The following CLSTN2 variants were observed in gnomAD, a reference collection of about 807,000 sequenced individuals.
CLSTN2 encodes the protein calsyntenin-2.
Under a neutral mutation model 101.2 loss-of-function variants are expected in CLSTN2, and 48 were observed. The observed-to-expected ratio is 0.47, with a 90% CI of 0.38 to 0.60. CLSTN2 has a LOEUF of 0.60. Among genes scored for constraint, CLSTN2 ranks in the 20% least tolerant of loss-of-function variants. The pLI is 0.00. For missense variants in CLSTN2, 1,160 were observed against 1,238.2 expected (o/e 0.94, Z 0.95); for synonymous variants, 481 against 463.6 (o/e 1.04, Z -0.48).
intron 1 of CLSTN2, among the ~76,000 whole-genome samples, chr3:140,029,075 A>G (rs778624537): frequency 5.9e-5 from 9 of 152,196 alleles, no homozygotes; most frequent in Non-Finnish European, 1.3e-4. Flanking sequence ...TTGCACGATG[A>G]GTTTGGTGGG....
intron 1 of CLSTN2, among the ~76,000 whole-genome samples, chr3:140,108,948 C>T (rs973064144): frequency 3.9e-5 from 6 of 152,108 alleles, no homozygotes; most frequent in African/African-American, 1.4e-4. Context: ...ACCCTATGAA[C>T]TGGGTATTAT....
At chr3:140,539,098 C>G (rs1363605281) in intron 9 of CLSTN2, among the ~76,000 whole-genome samples, 2 of 152,180 alleles carry the variant, frequency 1.3e-5, no homozygotes, top group Non-Finnish European at 2.9e-5. Flanking sequence ...AGATCCTCTC[C>G]TCTGCCTTCC....
At chr3:140,293,930 A>G (rs1394575263) in intron 2 of CLSTN2, among the ~76,000 whole-genome samples, 2 of 152,188 alleles carry the variant, frequency 1.3e-5, no homozygotes, top group Non-Finnish European at 2.9e-5. Flanking sequence ...AGTTTTCAGC[A>G]TCAAAGACTG....
chr3:140,071,208 A>T (rs2008386544), intron 1 of CLSTN2, among the ~76,000 whole-genome samples: 1 of 152,212 alleles, frequency 6.6e-6, no homozygotes, highest in Admixed American at 6.5e-5. Context: ...TTCAATAATA[A>T]ACTATGTTGA....
intron 2 of CLSTN2, among the ~76,000 whole-genome samples, chr3:140,326,231 C>T (rs927679461): frequency 6.6e-6 from 1 of 152,156 alleles, no homozygotes; most frequent in Non-Finnish European, 1.5e-5. Flanking sequence ...TACTTTCCTG[C>T]CAGGGGATAA....
chr3:140,316,374 A>G (rs1215312549), intron 2 of CLSTN2, among the ~76,000 whole-genome samples: 1 of 152,166 alleles, frequency 6.6e-6, no homozygotes, highest in African/African-American at 2.4e-5. Context: ...ATCTCATAGA[A>G]TCGTGATCAA....
chr3:140,549,535 A>G (rs1337488148), intron 10 of CLSTN2, among the ~76,000 whole-genome samples: 5 of 150,708 alleles, frequency 3.3e-5, no homozygotes, highest in Admixed American at 6.6e-5. Flanking sequence ...ACTGGGGGCT[A>G]TTGTATGTTC....
chr3:140,479,930 G>C (rs1934076609), intron 8 of CLSTN2, among the ~76,000 whole-genome samples: 1 of 151,962 alleles, frequency 6.6e-6, no homozygotes, highest in Admixed American at 6.6e-5. Flanking sequence ...ACCTGTTGAT[G>C]ACCGAAAATA....
chr3:140,158,883 C>T (rs1006901111), intron 1 of CLSTN2, among the ~76,000 whole-genome samples: 5 of 152,136 alleles, frequency 3.3e-5, no homozygotes, highest in African/African-American at 1.2e-4. Flanking sequence ...CGCACAGGTA[C>T]AGCCATCTGA....
At chr3:140,374,813 T>C (rs180988644) in intron 2 of CLSTN2, among the ~76,000 whole-genome samples, 3 of 152,308 alleles carry the variant, frequency 2.0e-5, no homozygotes, top group Admixed American at 6.5e-5. Flanking sequence ...AAATAATATA[T>C]ATCTCAATTT....
chr3:140,428,964 G>T (rs2088600875), intron 5 of CLSTN2, among the ~76,000 whole-genome samples: 1 of 152,130 alleles, frequency 6.6e-6, no homozygotes, highest in African/African-American at 2.4e-5. Context: ...TAACAAGTCT[G>T]GGGTAGGTCT....
intron 1 of CLSTN2, among the ~76,000 whole-genome samples, chr3:140,022,035 GA>G (rs113855083): frequency 3.3e-5 from 5 of 151,958 alleles, no homozygotes; most frequent in African/African-American, 1.2e-4. Context: ...CTGTTTTGAT[GA>G]AAAAAAATGG....
At chr3:139,959,151 T>C (rs2007640) in intron 1 of CLSTN2, among the ~76,000 whole-genome samples, 76,927 of 151,912 alleles carry the variant, frequency 0.51, 22,179 homozygotes, top group East Asian at 0.67. Flanking sequence ...ACGTCTTCTG[T>C]CTCTGCTGAG....
intron 11 of CLSTN2, among the ~76,000 whole-genome samples, chr3:140,558,407 T>G (rs1935842222): frequency 6.6e-6 from 1 of 152,234 alleles, no homozygotes; most frequent in Admixed American, 6.5e-5. Flanking sequence ...TACGTGTTGC[T>G]CATATAGAAA....
At chr3:139,941,227 C>T (rs558701296) in intron 1 of CLSTN2, among the ~76,000 whole-genome samples, 1 of 152,158 alleles carries the variant, frequency 6.6e-6, no homozygotes, top group African/African-American at 2.4e-5. Context: ...GAGGCCTGAG[C>T]TGGGGAAGAG....
At chr3:140,013,594 C>T (rs909934653) in intron 1 of CLSTN2, among the ~76,000 whole-genome samples, 4 of 152,126 alleles carry the variant, frequency 2.6e-5, no homozygotes, top group African/African-American at 9.7e-5. Flanking sequence ...TATGAACACA[C>T]AATGCTACAT....
chr3:140,455,916 T>C (rs1310938335), intron 6 of CLSTN2, among the ~76,000 whole-genome samples: 2 of 152,184 alleles, frequency 1.3e-5, no homozygotes, highest in African/African-American at 4.8e-5. Flanking sequence ...TTAGAGAAAG[T>C]GGCCTGCCGC....
At chr3:140,313,936 C>G (rs373218933) in intron 2 of CLSTN2, among the ~76,000 whole-genome samples, 165 of 152,274 alleles carry the variant, frequency 1.1e-3, no homozygotes, top group African/African-American at 3.9e-3. Context: ...CCCCTTTGAC[C>G]TGCCCCAGTA....
chr3:140,038,053 T>C (rs1320724984), intron 1 of CLSTN2, among the ~76,000 whole-genome samples: 1 of 152,170 alleles, frequency 6.6e-6, no homozygotes, highest in African/African-American at 2.4e-5. Flanking sequence ...TTCCTTTGGG[T>C]ATATACCCAG....
Sources: allele counts gnomAD v4.1 joint callset (sites outside exome capture counted in the v4.1 genomes callset), GRCh38; gene constraint gnomAD v4.1.1; transcripts MANE v1.5; gene names NCBI Gene and HGNC (gene_info 2026-07-23, HGNC 2026-07-21).